CCDC141: variants seen among roughly 807,000 people sequenced by gnomAD.
CCDC141 encodes the protein coiled-coil domain containing 141.
A neutral mutation model predicts 181.0 loss-of-function variants in CCDC141; 168 were observed. The observed-to-expected ratio is 0.93, with a 90% CI of 0.82 to 1.05. The LOEUF (loss-of-function observed/expected upper bound fraction) is 1.05. CCDC141 is among the 50% of genes least tolerant of loss of function. CCDC141 has a pLI of 0.00. For missense variants in CCDC141, 1,902 were observed against 1,788.5 expected, an observed-to-expected ratio of 1.06 and a Z score of -1.14; for synonymous variants, 666 against 642.3, an observed-to-expected ratio of 1.04 and a Z score of -0.56.
chr2:178,883,721 G>A (rs927515904), intron 11 of CCDC141, among the ~76,000 whole-genome samples: 8 of 152,134 alleles, frequency 5.3e-5, no homozygotes, highest in South Asian at 2.1e-4. Flanking sequence ...GAAGAGGAGT[G>A]TGATCTACAT....
chr2:178,971,595 C>A (rs1690890556), intron 4 of CCDC141, among the ~76,000 whole-genome samples: 1 of 152,182 alleles, frequency 6.6e-6, no homozygotes, highest in Non-Finnish European at 1.5e-5. Flanking sequence ...GATTATAAAT[C>A]ATTCTACTAT....
intron 8 of CCDC141, among the ~76,000 whole-genome samples, chr2:178,892,671 A>C (rs1475535135): frequency 6.6e-6 from 1 of 152,194 alleles, no homozygotes; most frequent in African/African-American, 2.4e-5. Flanking sequence ...CAGCACCTGA[A>C]CGGCAGGTGG....
chr2:178,834,106 G>A lies in CCDC141; in HGVS notation c.*67C>T. On this transcript the variant is annotated 3_prime_UTR_variant, in exon 24 of 24. Transcript: ENST00000443758. Reference sequence around the variant, plus strand: ...TGGGAGATGCTTTGCAGGAGGTGCAGGAAGATAAACGGCGGCACTTTTCTT... The same window carrying A: ...TGGGAGATGCTTTGCAGGAGGTGCAAGAAGATAAACGGCGGCACTTTTCTT... The A allele has an allele frequency of 6.8e-7, 1 of 1,468,668 alleles. No homozygotes were observed. The highest frequency in any genetic ancestry group is 9.2e-7 in the Non-Finnish European group (1 of 1,092,714). The allele number at this position is 1,468,668 out of a possible 1,614,324, so 91.0% of individuals were successfully genotyped here.
chr2:178,966,294 G>T (rs1690627449), intron 4 of CCDC141, among the ~76,000 whole-genome samples: 1 of 152,174 alleles, frequency 6.6e-6, no homozygotes, highest in African/African-American at 2.4e-5. Context: ...TCCTCAAGTG[G>T]GTCCCTGACC....
At chr2:179,015,615 G>GATATATATAT in intron 2 of CCDC141, among the ~76,000 whole-genome samples, 1 of 22,684 alleles carries the variant, frequency 4.4e-5, no homozygotes, top group African/African-American at 1.6e-4. Flanking sequence ...ATCTCATATA[G>GATATATATAT]CTCATATATA....
chr2:179,006,826 T>C (rs924638147), intron 2 of CCDC141, among the ~76,000 whole-genome samples: 31 of 152,202 alleles, frequency 2.0e-4, no homozygotes, highest in African/African-American at 7.2e-4. Context: ...ACATTAAACA[T>C]ATTAAACTCT....
intron 2 of CCDC141, among the ~76,000 whole-genome samples, chr2:179,021,486 G>A (rs945770351): frequency 3.3e-5 from 5 of 152,122 alleles, no homozygotes; most frequent in Non-Finnish European, 5.9e-5. Flanking sequence ...CAGCTGTCCC[G>A]AGTGGAAATC....
At chr2:178,894,173 T>G (rs1023883051) in intron 8 of CCDC141, among the ~76,000 whole-genome samples, 16 of 152,104 alleles carry the variant, frequency 1.1e-4, no homozygotes, top group Admixed American at 4.6e-4. Context: ...TGACTGCATC[T>G]TCAAGAGCCA....
chr2:178,829,214 C>T (rs1342340650), downstream of CCDC141, among the ~76,000 whole-genome samples: 1 of 152,212 alleles, frequency 6.6e-6, no homozygotes, highest in Non-Finnish European at 1.5e-5. Flanking sequence ...AATACACACA[C>T]ATTCTTGTCT....
chr2:178,941,732 C>T (rs949808490), intron 6 of CCDC141, among the ~76,000 whole-genome samples: 6 of 151,420 alleles, frequency 4.0e-5, no homozygotes, highest in Non-Finnish European at 8.8e-5. Context: ...GTGGGAGGAT[C>T]ACTTGAGGCC....
At chr2:178,827,093 AT>A (rs1428181862), downstream of CCDC141, among the ~76,000 whole-genome samples, 2 of 152,224 alleles carry the variant, frequency 1.3e-5, no homozygotes, top group South Asian at 2.1e-4. Context: ...AAAAATCCTT[AT>A]TGAGATTTTT....
At chr2:179,003,274 G>T (rs1162849245) in intron 2 of CCDC141, among the ~76,000 whole-genome samples, 1 of 152,106 alleles carries the variant, frequency 6.6e-6, no homozygotes, top group African/African-American at 2.4e-5. Context: ...AGATGAATTT[G>T]CCTTGAGTGG....
intron 6 of CCDC141, among the ~76,000 whole-genome samples, chr2:178,925,824 T>A (rs1322252814): frequency 6.6e-6 from 1 of 152,194 alleles, no homozygotes; most frequent in Non-Finnish European, 1.5e-5. Flanking sequence ...TTTATCTTAA[T>A]GTTCTCGGAG....
chr2:178,886,682 T>C (rs1053576387), intron 10 of CCDC141, 70 bp downstream of exon 10: 1 of 1,016,090 alleles, frequency 9.8e-7, no homozygotes, highest in Non-Finnish European at 1.4e-6. Context: ...ATTAAGTTTA[T>C]AGCTATCAAA....
chr2:178,896,060 T>G (rs796261876), intron 8 of CCDC141, among the ~76,000 whole-genome samples: 7 of 152,260 alleles, frequency 4.6e-5, no homozygotes, highest in African/African-American at 1.7e-4. Context: ...ATGAAATAAC[T>G]AAAGAATGAT....
the CCDC141 span, among the ~76,000 whole-genome samples, chr2:178,817,299 G>A: frequency 1.8e-4 from 28 of 152,130 alleles, no homozygotes; most frequent in African/African-American, 6.0e-4. Context: ...AAGAGAAAAG[G>A]GTGCATATTG....
At chr2:178,826,999 T>C (rs572648967), downstream of CCDC141, among the ~76,000 whole-genome samples, 809 of 152,270 alleles carry the variant, frequency 5.3e-3, 11 homozygotes, top group African/African-American at 0.019. Context: ...TTTAATGCTA[T>C]ACATTTTCCT....
intron 2 of CCDC141, among the ~76,000 whole-genome samples, chr2:179,008,234 A>G (rs1457316589): frequency 1.3e-5 from 2 of 152,198 alleles, no homozygotes; most frequent in African/African-American, 4.8e-5. Flanking sequence ...TCATACTGCT[A>G]GTCTTTGCTA....
At chr2:178,938,820 G>A (rs968070608) in intron 6 of CCDC141, among the ~76,000 whole-genome samples, 6 of 152,062 alleles carry the variant, frequency 3.9e-5, no homozygotes, top group Admixed American at 2.6e-4. Context: ...TCATTATGTA[G>A]TGAATGACAT....
Sources: allele counts gnomAD v4.1 joint callset (sites outside exome capture counted in the v4.1 genomes callset), GRCh38; gene constraint gnomAD v4.1.1; transcripts MANE v1.5; gene names NCBI Gene and HGNC (gene_info 2026-07-23, HGNC 2026-07-21).